The following TRPM3 variants were observed in gnomAD, a reference collection of about 807,000 sequenced individuals.
TRPM3 encodes the protein transient receptor potential cation channel subfamily M member 3.
In TRPM3, 77 loss-of-function variants were observed where a neutral mutation model predicts 181.2. The observed-to-expected ratio is 0.42, with a 90% CI of 0.35 to 0.51. TRPM3 has a LOEUF of 0.51. TRPM3 is among the 20% of genes least tolerant of loss of function. The pLI is 0.01. For missense variants in TRPM3, 1,759 were observed against 2,196.7 expected (o/e 0.80, Z 3.98); for synonymous variants, 745 against 796.4 (o/e 0.94, Z 1.09).
rs187828985 is a variant in TRPM3 at position 71,275,506 on chromosome 9, A to G, written c.183+171147T>C. Among the ~76,000 whole-genome samples the G allele has an allele frequency of 5.9e-5, 9 of 152,114 alleles. No individual in the cohort carries two copies. In the East Asian group the frequency reaches 9.6e-4, roughly 16 times the overall value. On this transcript the variant is annotated intron_variant, in intron 1 of 24. Transcript: ENST00000357533. ...TCCAACCCCGTGTGTGTGTGTGCACATGTATGTGTGCGTGTGTGTGTATGT... is the reference window on the plus strand; with the variant it reads ...TCCAACCCCGTGTGTGTGTGTGCACGTGTATGTGTGCGTGTGTGTGTATGT...
intron 1 of TRPM3, among the ~76,000 whole-genome samples, chr9:71,305,739 C>T (rs758640386): frequency 1.0e-3 from 157 of 152,212 alleles, no homozygotes; most frequent in Non-Finnish European, 1.2e-3. Flanking sequence ...GGTAGGAAAG[C>T]GCTAACAGGT....
At chr9:71,057,233 C>T (rs2060772146) in intron 1 of TRPM3, among the ~76,000 whole-genome samples, 1 of 151,982 alleles carries the variant, frequency 6.6e-6, no homozygotes, top group African/African-American at 2.4e-5. Context: ...CAGTCCATTG[C>T]TCTTCTGGGC....
At chr9:71,251,834 T>A (rs1361056187) in intron 1 of TRPM3, among the ~76,000 whole-genome samples, 4 of 152,180 alleles carry the variant, frequency 2.6e-5, no homozygotes, top group Non-Finnish European at 4.4e-5. Context: ...CCATTAACCA[T>A]CTTCTCCTGC....
chr9:70,678,685 T>A (rs550778547), intron 9 of TRPM3, among the ~76,000 whole-genome samples: 24 of 152,320 alleles, frequency 1.6e-4, no homozygotes, highest in African/African-American at 5.5e-4. Flanking sequence ...TTTCTCAGAT[T>A]CCGCAGAATA....
In TRPM3 at chr9:70,615,892, T is replaced by G; in HGVS notation, c.2526+16A>C. The G allele has an allele frequency of 1.9e-6, 3 of 1,593,034 alleles. 1 individual carries two copies. Among genetic ancestry groups the G allele is most frequent in the Admixed American group, 3.7e-5 (2 of 54,688 alleles). ...GAATTCTGCCCATAGAGAATAACTG[T>G]GCAATGTTTTCTTACTGTGAGCTCC... On this transcript the variant is annotated intron_variant, in intron 18 of 25. Coordinates refer to ENST00000677713, the MANE Select transcript of TRPM3 (RefSeq NM_001366145.2).
chr9:70,635,406 C>T (rs2056995982), intron 11 of TRPM3, 145 bp from the exon 12 acceptor site: 3 of 561,550 alleles, frequency 5.3e-6, no homozygotes, highest in East Asian at 6.1e-5. Flanking sequence ...GTGTATCTGC[C>T]TTTTCTTTCT....
At chr9:70,881,677 A>C (rs1455222370) in intron 1 of TRPM3, among the ~76,000 whole-genome samples, 4 of 152,212 alleles carry the variant, frequency 2.6e-5, no homozygotes, top group African/African-American at 9.6e-5. Context: ...TTAGCAGAAT[A>C]ATTACATCTC....
At chr9:70,589,992 C>T (rs1220280847) in intron 22 of TRPM3, among the ~76,000 whole-genome samples, 2 of 152,170 alleles carry the variant, frequency 1.3e-5, no homozygotes, top group Non-Finnish European at 2.9e-5. Flanking sequence ...ATAAGCTATA[C>T]TACCTGGTTA....
chr9:71,108,495 C>T (rs1428599368), intron 1 of TRPM3, among the ~76,000 whole-genome samples: 1 of 152,078 alleles, frequency 6.6e-6, no homozygotes, highest in Non-Finnish European at 1.5e-5. Context: ...GCTAAATAAA[C>T]AAGGGTCGAC....
intron 14 of TRPM3, among the ~76,000 whole-genome samples, chr9:70,621,725 G>A (rs969241556): frequency 4.6e-5 from 7 of 152,194 alleles, no homozygotes; most frequent in East Asian, 1.9e-4. Flanking sequence ...ACCATATGGC[G>A]TTTATTTTAT....
chr9:71,306,725 T>G (rs2087364657), intron 1 of TRPM3, among the ~76,000 whole-genome samples: 1 of 152,098 alleles, frequency 6.6e-6, no homozygotes, highest in Non-Finnish European at 1.5e-5. Flanking sequence ...AATACAAAAA[T>G]TAGCTGGGTG....
intron 1 of TRPM3, among the ~76,000 whole-genome samples, chr9:70,991,780 A>G (rs1302040092): frequency 6.6e-6 from 1 of 152,130 alleles, no homozygotes; most frequent in African/African-American, 2.4e-5. Context: ...GTGATCTCCA[A>G]GCCTCCCTCA....
chr9:70,813,355 C>T (rs2092336994), intron 6 of TRPM3, among the ~76,000 whole-genome samples: 1 of 152,156 alleles, frequency 6.6e-6, no homozygotes, highest in Admixed American at 6.5e-5. Context: ...TCATTATGTC[C>T]TCTGTAGCAA....
chr9:71,328,586 A>G (rs2089890877), intron 1 of TRPM3, among the ~76,000 whole-genome samples: 1 of 152,252 alleles, frequency 6.6e-6, no homozygotes, highest in African/African-American at 2.4e-5. Context: ...GTAGAAAGGG[A>G]CATAGAAGAC....
At chr9:71,226,873 T>G (rs772625347) in intron 1 of TRPM3, among the ~76,000 whole-genome samples, 9 of 151,858 alleles carry the variant, frequency 5.9e-5, no homozygotes, top group Non-Finnish European at 1.2e-4. Flanking sequence ...AAACTTAATC[T>G]GCACTATAGG....
In TRPM3 at chr9:70,533,479, T is replaced by C. The variant is rs2131552270; in HGVS notation, c.*2474A>G. The C allele has an allele frequency of 6.6e-6, 1 of 152,358 alleles. No individual in the cohort carries two copies. The highest frequency in any genetic ancestry group is 2.1e-4 in the South Asian group (1 of 4,826). 9.4% of individuals were successfully genotyped at this position (152,358 alleles called of 1,614,324 possible). ...GAGATGGTCTCAAATGTAAAGTGCC[T>C]ATTACAACTGCATTAACTACGAGCA... On this transcript the variant is annotated 3_prime_UTR_variant, in exon 26 of 26. Transcript: ENST00000677713.
intron 1 of TRPM3, among the ~76,000 whole-genome samples, chr9:71,347,030 G>A (rs1489668147): frequency 6.6e-6 from 1 of 152,228 alleles, no homozygotes; most frequent in African/African-American, 2.4e-5. Flanking sequence ...CCCAAAAGGG[G>A]AGGGAGCTTC....
chr9:71,374,956 T>C (rs1052487320), intron 1 of TRPM3, among the ~76,000 whole-genome samples: 1 of 152,060 alleles, frequency 6.6e-6, no homozygotes, highest in Non-Finnish European at 1.5e-5. Context: ...CAAAAACAAA[T>C]GGAAAAACAT....
At chr9:71,144,165 A>G (rs1413315745) in intron 1 of TRPM3, among the ~76,000 whole-genome samples, 1 of 152,186 alleles carries the variant, frequency 6.6e-6, no homozygotes. Context: ...ATAAGAAAAA[A>G]TAAGTGAGAG....
Sources: gnomAD v4.1 joint callset for allele counts (sites outside exome capture counted in the v4.1 genomes callset) on GRCh38, gnomAD v4.1.1 for gene constraint, MANE v1.5 for transcripts, NCBI Gene and HGNC (gene_info 2026-07-23, HGNC 2026-07-21) for gene names.